Variants in DLC1 observed in about 807,000 individuals in gnomAD.
DLC1 encodes DLC1 Rho GTPase activating protein.
DLC1 carries 54 observed loss-of-function variants against 140.3 expected under a neutral mutation model. That is an observed-to-expected ratio of 0.38 (90% CI 0.31 to 0.48). The LOEUF (loss-of-function observed/expected upper bound fraction) is 0.48. DLC1 is among the 20% of genes least tolerant of loss of function. The pLI is 0.96. For synonymous variants in DLC1, 986 were observed against 728.1 expected (o/e 1.35, Z -5.70); for missense variants, 2,536 against 1,907.0 (o/e 1.33, Z -6.14).
intron 1 of DLC1, among the ~76,000 whole-genome samples, chr8:13,537,433 A>G (rs1410553875): frequency 6.6e-6 from 1 of 152,172 alleles, no homozygotes; most frequent in Admixed American, 6.5e-5. Flanking sequence ...TCTGAAATGC[A>G]GCTGAGAATC....
At chr8:13,572,523 T>A (rs1367820750) in intron 1 of DLC1, among the ~76,000 whole-genome samples, 1 of 152,212 alleles carries the variant, frequency 6.6e-6, no homozygotes, top group Non-Finnish European at 1.5e-5. Flanking sequence ...TTTTATTGCC[T>A]ATGCTTTTGG....
rs188475806 is a variant in DLC1, at chr8:13,541,887, T to A, written c.-125-41691A>T. 8.5e-5 allele frequency among the ~76,000 whole-genome samples: 13 copies of A among 152,332 alleles called. No homozygotes were observed. In the East Asian group the frequency reaches 2.3e-3, roughly 27 times the overall value. Reference sequence around the variant, plus strand: ...TTTATGTATATTCTTTGGTGTAGTGTCAATCAAATATTTTACCCAATTTTC... The same window carrying A: ...TTTATGTATATTCTTTGGTGTAGTGACAATCAAATATTTTACCCAATTTTC... On this transcript the variant is annotated intron_variant, in intron 1 of 1. Transcript: ENST00000631382.
At chr8:13,147,049 T>C (rs763375971) in intron 5 of DLC1, among the ~76,000 whole-genome samples, 6 of 152,224 alleles carry the variant, frequency 3.9e-5, no homozygotes, top group Non-Finnish European at 8.8e-5. Context: ...AATGTATATA[T>C]ATTTTTCTTC....
At chr8:13,118,301 CA>C (rs1820752276) in intron 5 of DLC1, among the ~76,000 whole-genome samples, 1 of 152,104 alleles carries the variant, frequency 6.6e-6, no homozygotes, top group African/African-American at 2.4e-5. Context: ...TGTAAACAGG[CA>C]AAGGTTTGCT....
At chr8:13,259,652 C>T (rs980732696) in intron 5 of DLC1, among the ~76,000 whole-genome samples, 8 of 151,900 alleles carry the variant, frequency 5.3e-5, no homozygotes, top group Admixed American at 1.3e-4. Flanking sequence ...CTTGGTTCTT[C>T]TGAGAAATGT....
chr8:13,311,977 T>C (rs1192066309), intron 4 of DLC1, among the ~76,000 whole-genome samples: 1 of 152,220 alleles, frequency 6.6e-6, no homozygotes, highest in Non-Finnish European at 1.5e-5. Context: ...AAATGTTGAA[T>C]TTCAGTTTGA....
chr8:13,575,010 A>T (rs1172490388), intron 1 of DLC1, among the ~76,000 whole-genome samples: 1 of 152,218 alleles, frequency 6.6e-6, no homozygotes, highest in African/African-American at 2.4e-5. Flanking sequence ...GATGAGAAAT[A>T]AATACACAAA....
intron 5 of DLC1, among the ~76,000 whole-genome samples, chr8:13,179,353 A>G (rs1164909573): frequency 6.6e-6 from 1 of 152,122 alleles, no homozygotes; most frequent in Non-Finnish European, 1.5e-5. Context: ...TTAAAGAGGT[A>G]TGTTCATTTA....
intron 4 of DLC1, among the ~76,000 whole-genome samples, chr8:13,334,394 T>C (rs73564677): frequency 0.01 from 1,592 of 152,196 alleles, 28 homozygotes; most frequent in African/African-American, 0.036. Flanking sequence ...GGAGGAGTTT[T>C]ATGTTGGCAG....
chr8:13,547,281 C>G (rs530225962), intron 1 of DLC1, among the ~76,000 whole-genome samples: 1 of 151,938 alleles, frequency 6.6e-6, no homozygotes, highest in Non-Finnish European at 1.5e-5. Context: ...ATTTTCATAG[C>G]TTTTTGCATA....
intron 5 of DLC1, among the ~76,000 whole-genome samples, chr8:13,143,035 C>G (rs1434053957): frequency 1.5e-5 from 2 of 134,916 alleles, no homozygotes; most frequent in Middle Eastern, 3.3e-3. Flanking sequence ...AAAAGTGAAA[C>G]TCCGTCTCAA....
chr8:13,498,947 G>A (rs1191996875), intron 2 of DLC1, 102 bp downstream of exon 2: 9 of 1,382,706 alleles, frequency 6.5e-6, no homozygotes, highest in Non-Finnish European at 8.6e-6. Context: ...CAGGGCAAAA[G>A]AACCATCTTC....
At chr8:13,411,413 C>A (rs1446693790) in intron 2 of DLC1, among the ~76,000 whole-genome samples, 1 of 152,100 alleles carries the variant, frequency 6.6e-6, no homozygotes, top group Non-Finnish European at 1.5e-5. Context: ...AAAATCCAGA[C>A]CATAGAGGAG....
intron 5 of DLC1, among the ~76,000 whole-genome samples, chr8:13,283,059 C>A (rs1053807790): frequency 6.6e-6 from 1 of 152,138 alleles, no homozygotes; most frequent in Non-Finnish European, 1.5e-5. Flanking sequence ...TAGATAATGG[C>A]TGCATAATAT....
At chr8:13,324,365 G>C (rs761286203) in intron 4 of DLC1, among the ~76,000 whole-genome samples, 1 of 140,284 alleles carries the variant, frequency 7.1e-6, no homozygotes, top group Admixed American at 7.5e-5. Context: ...TCAGGAGATC[G>C]AGACCATCCT....
chr8:13,561,860 G>C (rs1242225258), intron 1 of DLC1, among the ~76,000 whole-genome samples: 3 of 152,140 alleles, frequency 2.0e-5, no homozygotes, highest in African/African-American at 7.2e-5. Context: ...AAATGTGTTG[G>C]AGGTATTAGT....
chr8:13,155,000 T>A (rs1824143347), intron 5 of DLC1, among the ~76,000 whole-genome samples: 1 of 152,186 alleles, frequency 6.6e-6, no homozygotes, highest in African/African-American at 2.4e-5. Flanking sequence ...TATGAGGTAG[T>A]ATCATTCAAA....
chr8:13,312,229 C>T (rs1347333171), intron 4 of DLC1, among the ~76,000 whole-genome samples: 3 of 137,476 alleles, frequency 2.2e-5, no homozygotes, highest in Admixed American at 7.5e-5. Flanking sequence ...GGCGTGGTAG[C>T]GGGCGCCTGT....
chr8:13,270,078 T>C (rs1195687714), intron 5 of DLC1, among the ~76,000 whole-genome samples: 1 of 151,312 alleles, frequency 6.6e-6, no homozygotes, highest in Non-Finnish European at 1.5e-5. Context: ...AAAAAGAAAT[T>C]AAAAAACTTT....
Sources: gnomAD v4.1 joint callset for allele counts (sites outside exome capture counted in the v4.1 genomes callset) on GRCh38, gnomAD v4.1.1 for gene constraint, MANE v1.5 for transcripts, NCBI Gene and HGNC (gene_info 2026-07-23, HGNC 2026-07-21) for gene names.